Variants in ENTPD1 observed in about 807,000 individuals in gnomAD.
ENTPD1 encodes the protein ectonucleoside triphosphate diphosphohydrolase 1, also known as ATP diphosphohydrolase.
Under a neutral mutation model 57.0 loss-of-function variants are expected in ENTPD1, and 33 were observed. That is an observed-to-expected ratio of 0.58 (90% CI 0.44 to 0.77). The LOEUF (loss-of-function observed/expected upper bound fraction) is 0.77. Among genes scored for constraint, ENTPD1 ranks in the 30% least tolerant of loss-of-function variants. The pLI is 0.00. For missense variants in ENTPD1, 501 were observed against 603.4 expected (o/e 0.83, Z 1.78); for synonymous variants, 202 against 218.8 (o/e 0.92, Z 0.68).
intron 1 of ENTPD1, among the ~76,000 whole-genome samples, chr10:95,724,478 AGGAAT>A (rs2097981540): frequency 6.6e-6 from 1 of 152,150 alleles, no homozygotes; most frequent in South Asian, 2.1e-4. Flanking sequence ...ACGGATTCCA[AGGAAT>A]GGAATCTGGG....
intron 1 of ENTPD1, among the ~76,000 whole-genome samples, chr10:95,783,722 A>C (rs931434012): frequency 2.0e-5 from 3 of 152,250 alleles, no homozygotes; most frequent in Admixed American, 6.5e-5. Context: ...AAAAAAAAAA[A>C]AACAGTGTCC....
rs533690474 is a variant in ENTPD1, at chr10:95,873,053, A to G, written c.*6670A>G. On this transcript the variant is annotated 3_prime_UTR_variant, in exon 10 of 10. Transcript: ENST00000371205. The stretch of plus-strand genomic sequence containing the variant: ...ACCCAGGGATTTTGTTGAAATAAAA[A>G]TTATTTAATTTTAATTAATATAAAT... 5.3e-6 allele frequency: 5 copies of G among 939,370 alleles called. No homozygotes were observed. In the African/African-American group the frequency reaches 8.9e-5, roughly 17 times the overall value. 58.2% of individuals were successfully genotyped at this position (939,370 alleles called of 1,614,324 possible). A position where few individuals can be genotyped will look rare whatever the true frequency, so the allele number is the denominator to read the frequency against.
chr10:95,865,098 AAC>A (rs2098471847), intron 9 of ENTPD1, among the ~76,000 whole-genome samples: 1 of 152,226 alleles, frequency 6.6e-6, no homozygotes. Context: ...CTTCCCACAT[AAC>A]AGTGACTAAT....
At chr10:95,864,000 A>G (rs2098469735) in intron 8 of ENTPD1, among the ~76,000 whole-genome samples, 1 of 152,156 alleles carries the variant, frequency 6.6e-6, no homozygotes, top group Non-Finnish European at 1.5e-5. Flanking sequence ...TAGGCTAGGT[A>G]AGGGCAAGGG....
chr10:95,853,146 C>A (rs1402157889), intron 7 of ENTPD1, among the ~76,000 whole-genome samples: 1 of 152,186 alleles, frequency 6.6e-6, no homozygotes, highest in Non-Finnish European at 1.5e-5. Context: ...AGGTCCTTCA[C>A]ATCCCTTGTA....
chr10:95,805,177 A>T (rs2098267015), intron 1 of ENTPD1, among the ~76,000 whole-genome samples: 1 of 152,276 alleles, frequency 6.6e-6, no homozygotes, highest in South Asian at 2.1e-4. Context: ...GTGCTCCTGT[A>T]TTGGGTGCAT....
At chr10:95,744,706 C>A (rs1272411893) in intron 1 of ENTPD1, among the ~76,000 whole-genome samples, 1 of 151,654 alleles carries the variant, frequency 6.6e-6, no homozygotes, top group Non-Finnish European at 1.5e-5. Context: ...AATACAGTTC[C>A]ATTATTTTGT....
At chr10:95,744,335 C>T (rs2098003747) in intron 1 of ENTPD1, among the ~76,000 whole-genome samples, 1 of 152,000 alleles carries the variant, frequency 6.6e-6, no homozygotes, top group Non-Finnish European at 1.5e-5. Context: ...AGACTTTACT[C>T]ACATCTAAAG....
chr10:95,704,130 T>C, the ENTPD1 span, among the ~76,000 whole-genome samples: 1 of 152,092 alleles, frequency 6.6e-6, no homozygotes, highest in South Asian at 2.1e-4. Flanking sequence ...AAATATATAA[T>C]ATTTCTGAGA....
intron 1 of ENTPD1, among the ~76,000 whole-genome samples, chr10:95,801,986 G>A (rs2098251644): frequency 6.6e-6 from 1 of 152,100 alleles, no homozygotes; most frequent in Non-Finnish European, 1.5e-5. Context: ...CCATTTGTTT[G>A]TGTCATCTCT....
At chr10:95,819,141 T>G (rs2098339863) in intron 1 of ENTPD1, among the ~76,000 whole-genome samples, 1 of 152,136 alleles carries the variant, frequency 6.6e-6, no homozygotes, top group African/African-American at 2.4e-5. Context: ...CAACAGAATT[T>G]TGACTATGGA....
In ENTPD1 at chr10:95,871,076, T is replaced by C. The variant is rs1010074645; in HGVS notation, c.*4693T>C. 3.0e-6 allele frequency: 3 copies of C among 985,316 alleles called. No homozygotes were observed. The Admixed American group carries it at 1.8e-4, about 61-fold the overall frequency. 61.0% of individuals were successfully genotyped at this position (985,316 alleles called of 1,614,324 possible). A position where few individuals can be genotyped will look rare whatever the true frequency, so the allele number is the denominator to read the frequency against. ...AGGTCTTGGTCAGGATGGGGTCTCC[T>C]GTCACTTCTGTCACAGGCTATTGTA... On this transcript the variant is annotated 3_prime_UTR_variant, in exon 10 of 10. Transcript: ENST00000371205.
chr10:95,845,762 T>C, intron 6 of ENTPD1, 166 bp downstream of exon 6: 5 of 1,147,514 alleles, frequency 4.4e-6, no homozygotes, highest in Non-Finnish European at 6.3e-6. Context: ...CCCCTATAAA[T>C]TGTTTCAGTC....
At chr10:95,833,551 A>G (rs2098402443) in intron 2 of ENTPD1, 2 of 151,238 alleles carry the variant, frequency 1.3e-5, no homozygotes, top group Admixed American at 6.6e-5. Context: ...AACTTTTAAG[A>G]AAGTTTTTGA....
intron 7 of ENTPD1, among the ~76,000 whole-genome samples, chr10:95,858,580 T>C (rs2098459705): frequency 6.6e-6 from 1 of 152,136 alleles, no homozygotes; most frequent in South Asian, 2.1e-4. Context: ...CACGAGATGA[T>C]AGTGGCTTGG....
At chr10:95,815,524 T>C (rs765434833) in intron 1 of ENTPD1, among the ~76,000 whole-genome samples, 9 of 152,200 alleles carry the variant, frequency 5.9e-5, no homozygotes, top group Non-Finnish European at 1.3e-4. Context: ...GATAATGAGA[T>C]TGGCTACCAC....
intron 1 of ENTPD1, among the ~76,000 whole-genome samples, chr10:95,715,094 G>A (rs1041560525): frequency 6.6e-6 from 1 of 152,086 alleles, no homozygotes; most frequent in Non-Finnish European, 1.5e-5. Flanking sequence ...TTCTTGTTAT[G>A]CCTTTTTGAT....
At chr10:95,839,452 C>T (rs2098418080) in intron 2 of ENTPD1, 1 of 537,218 alleles carries the variant, frequency 1.9e-6, no homozygotes, top group Non-Finnish European at 3.4e-6. Context: ...GCTTCTTGGG[C>T]CCTGTTCTGC....
At chr10:95,727,100 G>C (rs2097984499) in intron 1 of ENTPD1, among the ~76,000 whole-genome samples, 1 of 152,128 alleles carries the variant, frequency 6.6e-6, no homozygotes, top group African/African-American at 2.4e-5. Context: ...AGTCCAAGCA[G>C]TTTAGTCAGG....
Sources: allele counts gnomAD v4.1 joint callset (sites outside exome capture counted in the v4.1 genomes callset), GRCh38; gene constraint gnomAD v4.1.1; transcripts MANE v1.5; gene names NCBI Gene and HGNC (gene_info 2026-07-23, HGNC 2026-07-21).